ERCC6L2: variants seen among roughly 807,000 people sequenced by gnomAD.
The protein encoded by ERCC6L2 is ERCC excision repair 6 like 2, also known as DNA excision repair protein ERCC-6-like 2.
In ERCC6L2, 77 loss-of-function variants were observed where a neutral mutation model predicts 132.0. The observed-to-expected ratio is 0.58, with a 90% CI of 0.49 to 0.71. The LOEUF (loss-of-function observed/expected upper bound fraction) is 0.71, where lower values mean the gene tolerates loss of function less well. Ranked by LOEUF, ERCC6L2 falls within the 30% of genes least tolerant of loss-of-function variation. The pLI, the probability that ERCC6L2 is intolerant of heterozygous loss-of-function variation, is 0.00. For missense variants in ERCC6L2, 1,542 were observed against 1,837.6 expected, an observed-to-expected ratio of 0.84 and a Z score of 2.94; for synonymous variants, 583 against 632.4, an observed-to-expected ratio of 0.92 and a Z score of 1.17.
At position 95,972,191 on chromosome 9, in the gene ERCC6L2, G is replaced by A. The variant is rs1019835996; in HGVS notation, c.2440G>A (p.Ala814Thr). Residue 814 changes from alanine to threonine, a missense_variant, in exon 16 of 19, where the codon GCC becomes ACC. This residue lies in a region of ERCC6L2 where 945 missense variants were observed against 1,105.2 expected (regional missense o/e 0.86). Coordinates refer to ENST00000653738, the MANE Select transcript of ERCC6L2 (RefSeq NM_020207.7). The part of the protein sequence containing the change: ...KAVEDSDGNT[A>T]SDDESSDEQP... Reference sequence around the variant, plus strand: ...AGTTGAGGATAGTGATGGAAATACTGCCTCTGATGATGAAAGTTCTGATGA... The same window carrying A: ...AGTTGAGGATAGTGATGGAAATACTACCTCTGATGATGAAAGTTCTGATGA... The A allele has an allele frequency of 3.3e-5, 43 of 1,304,120 alleles. No homozygotes were observed. The Admixed American group carries it at 9.2e-4, about 28-fold the overall frequency. 80.8% of individuals were successfully genotyped at this position (1,304,120 alleles called of 1,614,324 possible).
intron 17 of ERCC6L2, among the ~76,000 whole-genome samples, chr9:95,986,431 A>AC (rs1047078770): frequency 1.3e-5 from 2 of 151,274 alleles, no homozygotes; most frequent in Non-Finnish European, 2.9e-5. Context: ...CAACTCAAGA[A>AC]CTCATTTCCT....
In ERCC6L2 at chr9:96,018,011, C is replaced by T. The variant is rs1362837610; in HGVS notation, c.*4808C>T. On this transcript the variant is annotated 3_prime_UTR_variant, in exon 19 of 19. Coordinates refer to ENST00000653738, the MANE Select transcript of ERCC6L2 (RefSeq NM_020207.7). ...ACAGAAGGACAAATACTGTATGATT[C>T]CACTTATATAAAGTACCTAGATTAG... is the stretch of plus-strand genomic sequence containing the variant. Among the ~76,000 whole-genome samples the T allele has an allele frequency of 6.6e-6, 1 of 152,112 alleles. No homozygotes were observed. The highest frequency in any genetic ancestry group is 1.5e-5 in the Non-Finnish European group (1 of 68,018).
chr9:96,038,941 G>A, exon 20 of ERCC6L2: 1 of 456,282 alleles, frequency 2.2e-6, no homozygotes, highest in South Asian at 1.5e-5. Context: ...GGAAGCTCAA[G>A]CAGCCATATG....
chr9:95,941,751 T>G (rs1395763420), intron 12 of ERCC6L2, among the ~76,000 whole-genome samples: 1 of 152,074 alleles, frequency 6.6e-6, no homozygotes, highest in Non-Finnish European at 1.5e-5. Context: ...CAGAATCCTA[T>G]TAATATGACA....
intron 2 of ERCC6L2, among the ~76,000 whole-genome samples, chr9:95,891,406 A>G (rs981882969): frequency 6.6e-6 from 1 of 152,232 alleles, no homozygotes; most frequent in Non-Finnish European, 1.5e-5. Flanking sequence ...TTCATTATAT[A>G]AAATGATTAA....
intron 11 of ERCC6L2, chr9:95,929,266 T>C (rs888853258): frequency 2.5e-5 from 4 of 158,248 alleles, no homozygotes; most frequent in African/African-American, 9.6e-5. Context: ...GGGGCTCACG[T>C]TTCCCTCCTC....
chr9:95,881,514 TA>T (rs1312583442), intron 2 of ERCC6L2, among the ~76,000 whole-genome samples: 1 of 152,186 alleles, frequency 6.6e-6, no homozygotes, highest in Non-Finnish European at 1.5e-5. Flanking sequence ...TATTCCAAAA[TA>T]ATGTTTTGGT....
Position 96,001,535 on chromosome 9 carries a change from G to C in ERCC6L2, c.3493-2985G>C, listed in dbSNP as rs563341116. Among the ~76,000 whole-genome samples the C allele has an allele frequency of 8.5e-5, 13 of 152,336 alleles. 1 individual carries two copies. In the East Asian group the frequency reaches 2.5e-3, roughly 29 times the overall value. ...AACCTTGAGCTAAACACAGGGTGCTGATTGGTGTATTTACAAACCTTGAGC... is the reference window on the plus strand; with the variant it reads ...AACCTTGAGCTAAACACAGGGTGCTCATTGGTGTATTTACAAACCTTGAGC... On this transcript the variant is annotated intron_variant, in intron 17 of 18. Coordinates refer to ENST00000653738, the MANE Select transcript of ERCC6L2 (RefSeq NM_020207.7).
At chr9:95,936,743 A>AT (rs1397826104) in intron 11 of ERCC6L2, among the ~76,000 whole-genome samples, 1 of 152,114 alleles carries the variant, frequency 6.6e-6, no homozygotes, top group Non-Finnish European at 1.5e-5. Flanking sequence ...AGAATCCCTC[A>AT]TGCTGTCCTT....
chr9:95,972,979 T>G lies in ERCC6L2; in HGVS notation c.3228T>G (p.Pro1076=). 3.0e-6 allele frequency: 4 copies of G among 1,341,402 alleles called. No individual in the cohort carries two copies. The highest frequency in any genetic ancestry group is 4.0e-6 in the Non-Finnish European group (4 of 1,008,122). The allele number at this position is 1,341,402 out of a possible 1,614,324, so 83.1% of individuals were successfully genotyped here. A position where few individuals can be genotyped will look rare whatever the true frequency, so the allele number is the denominator to read the frequency against. The change falls in exon 16 of 19, where the codon CCT becomes CCG. Residue 1076 remains proline, a synonymous_variant. Transcript: ENST00000653738. ...GAACTAGTTTTTCTTCAAAATTGCCTAGCCATAATAAGAAAAATAGCACTT... is the reference window on the plus strand; with the variant it reads ...GAACTAGTTTTTCTTCAAAATTGCCGAGCCATAATAAGAAAAATAGCACTT... ...RDRTSFSSKL[P]SHNKKNSTFI...
intron 17 of ERCC6L2, among the ~76,000 whole-genome samples, chr9:95,984,180 TAC>T (rs1833000694): frequency 6.7e-6 from 1 of 149,734 alleles, no homozygotes; most frequent in Non-Finnish European, 1.5e-5. Context: ...ATGTTACATA[TAC>T]ATACAAATAT....
At chr9:95,961,781 G>A (rs1360857773) in intron 13 of ERCC6L2, among the ~76,000 whole-genome samples, 1 of 152,138 alleles carries the variant, frequency 6.6e-6, no homozygotes, top group Non-Finnish European at 1.5e-5. Flanking sequence ...ATAAAGAAGA[G>A]GTTTAATGGA....
At chr9:95,994,046 T>A (rs1833390553) in intron 17 of ERCC6L2, among the ~76,000 whole-genome samples, 1 of 152,236 alleles carries the variant, frequency 6.6e-6, no homozygotes, top group Non-Finnish European at 1.5e-5. Context: ...AAAACTGCAT[T>A]TACAGTAACA....
At chr9:95,931,075 TTCTTA>T (rs797012387) in intron 11 of ERCC6L2, among the ~76,000 whole-genome samples, 2 of 152,364 alleles carry the variant, frequency 1.3e-5, no homozygotes, top group African/African-American at 4.8e-5. Flanking sequence ...AAGATAATTT[TTCTTA>T]ATGTTCACGA....
chr9:95,994,811 C>T (rs980948486), intron 17 of ERCC6L2, among the ~76,000 whole-genome samples: 1 of 152,182 alleles, frequency 6.6e-6, no homozygotes, highest in Non-Finnish European at 1.5e-5. Context: ...TTGAAACTTG[C>T]TCTCCTGGAT....
In ERCC6L2 at chr9:95,963,503, C is replaced by T. The variant is rs1345727776; in HGVS notation, c.1948-3059C>T. Among the ~76,000 whole-genome samples, 5 of 152,142 alleles carry T rather than the reference C, an allele frequency of 3.3e-5. 1 individual carries two copies. The Middle Eastern group carries it at 0.017, about 517-fold the overall frequency. ...CATTCTAAACACTCAGTTGTATATA[C>T]GGTTCTACAACTCGCTTTCCCCACC... On this transcript the variant is annotated intron_variant, in intron 13 of 18. Coordinates refer to ENST00000653738, the MANE Select transcript of ERCC6L2 (RefSeq NM_020207.7).
intron 17 of ERCC6L2, among the ~76,000 whole-genome samples, chr9:96,000,053 C>T (rs1434463418): frequency 3.3e-5 from 5 of 151,750 alleles, no homozygotes; most frequent in Non-Finnish European, 1.5e-5. Context: ...CACACCCAGC[C>T]AATTTTTTTA....
intron 6 of ERCC6L2, among the ~76,000 whole-genome samples, chr9:95,919,480 C>T (rs73534660): frequency 0.021 from 3,194 of 152,176 alleles, 121 homozygotes; most frequent in African/African-American, 0.074. Flanking sequence ...ACATCAAAGG[C>T]GTCAAAGTGG....
intron 19 of ERCC6L2, among the ~76,000 whole-genome samples, chr9:96,037,953 C>T (rs1268287894): frequency 6.0e-5 from 9 of 151,258 alleles, no homozygotes; most frequent in Admixed American, 1.3e-4. Context: ...TGGCCCTTGA[C>T]GGCTGGAATA....
Sources: allele counts gnomAD v4.1 joint callset (sites outside exome capture counted in the v4.1 genomes callset), GRCh38; gene constraint gnomAD v4.1.1; regional missense constraint gnomAD v4.1.1; transcripts MANE v1.5; gene names NCBI Gene and HGNC (gene_info 2026-07-23, HGNC 2026-07-21).